PLCXD3: variants seen among roughly 807,000 people sequenced by gnomAD.
PLCXD3 encodes phosphatidylinositol specific phospholipase C X domain containing 3, also known as PI-PLC X domain-containing protein 3.
Under a neutral mutation model 25.5 loss-of-function variants are expected in PLCXD3, and 19 were observed. The ratio of observed to expected loss-of-function variants is 0.75; its 90% CI spans 0.52 to 1.09. The LOEUF (loss-of-function observed/expected upper bound fraction) is 1.09. PLCXD3 is among the 50% of genes least tolerant of loss of function. The pLI is 0.00. For synonymous variants in PLCXD3, 174 were observed against 137.6 expected (o/e 1.26, Z -1.85); for missense variants, 411 against 388.1 (o/e 1.06, Z -0.50).
chr5:41,425,403 G>T (rs1746932392), intron 1 of PLCXD3, among the ~76,000 whole-genome samples: 1 of 150,200 alleles, frequency 6.7e-6, no homozygotes. Flanking sequence ...CCCAGTACAT[G>T]CACACTCTTT....
chr5:41,457,313 A>G (rs1747775047), intron 1 of PLCXD3, among the ~76,000 whole-genome samples: 1 of 152,064 alleles, frequency 6.6e-6, no homozygotes, highest in African/African-American at 2.4e-5. Flanking sequence ...TACAACCATG[A>G]TAGTAGCCTA....
intron 2 of PLCXD3, among the ~76,000 whole-genome samples, chr5:41,321,731 T>C (rs530953551): frequency 1.3e-5 from 2 of 152,234 alleles, no homozygotes; most frequent in African/African-American, 4.8e-5. Context: ...AACAGACACA[T>C]AGACCAAGAG....
intron 2 of PLCXD3, among the ~76,000 whole-genome samples, chr5:41,332,754 C>G (rs1000382718): frequency 3.3e-5 from 5 of 152,092 alleles, no homozygotes; most frequent in Admixed American, 6.6e-5. Flanking sequence ...CCATGGAATA[C>G]TATACAGCCA....
At chr5:41,346,353 T>C (rs1395981636) in intron 2 of PLCXD3, among the ~76,000 whole-genome samples, 1 of 152,176 alleles carries the variant, frequency 6.6e-6, no homozygotes, top group African/African-American at 2.4e-5. Context: ...TTAACTGAAG[T>C]TTAGAGTTTA....
intron 1 of PLCXD3, among the ~76,000 whole-genome samples, chr5:41,501,154 C>T (rs995226990): frequency 6.6e-6 from 1 of 151,958 alleles, no homozygotes; most frequent in Admixed American, 6.6e-5. Flanking sequence ...GGAATTACGT[C>T]GAAATTTTAA....
At chr5:41,502,778 C>T (rs1033115969) in intron 1 of PLCXD3, among the ~76,000 whole-genome samples, 1 of 152,022 alleles carries the variant, frequency 6.6e-6, no homozygotes, top group African/African-American at 2.4e-5. Context: ...TGGGGTTTTC[C>T]AGGTACGTAG....
intron 2 of PLCXD3, among the ~76,000 whole-genome samples, chr5:41,334,274 G>T (rs1274553191): frequency 6.6e-6 from 1 of 152,018 alleles, no homozygotes; most frequent in South Asian, 2.1e-4. Context: ...TTACTACAAG[G>T]ATCACAGTCA....
chr5:41,371,152 A>C (rs1346045199), intron 2 of PLCXD3, among the ~76,000 whole-genome samples: 1 of 152,192 alleles, frequency 6.6e-6, no homozygotes, highest in African/African-American at 2.4e-5. Flanking sequence ...TTTGCATAGA[A>C]ACAGCCTCGA....
intron 1 of PLCXD3, among the ~76,000 whole-genome samples, chr5:41,483,158 C>T (rs1337796212): frequency 6.6e-6 from 1 of 152,158 alleles, no homozygotes; most frequent in African/African-American, 2.4e-5. Context: ...GTGAACCTGA[C>T]ATGATCTTAA....
At chr5:41,385,315 C>A (rs1161477925) in intron 1 of PLCXD3, among the ~76,000 whole-genome samples, 3 of 152,012 alleles carry the variant, frequency 2.0e-5, no homozygotes, top group Non-Finnish European at 4.4e-5. Flanking sequence ...TCCACAGTCT[C>A]AAACTCATAT....
intron 2 of PLCXD3, among the ~76,000 whole-genome samples, chr5:41,373,749 C>T (rs1410081471): frequency 6.6e-6 from 1 of 152,086 alleles, no homozygotes; most frequent in Admixed American, 6.6e-5. Context: ...AGTTGGGATG[C>T]AGTGCCATAA....
At chr5:41,376,593 T>C (rs56032529) in intron 2 of PLCXD3, among the ~76,000 whole-genome samples, 10,409 of 152,180 alleles carry the variant, frequency 0.068, 1,220 homozygotes, top group African/African-American at 0.24. Context: ...GCTTTGCTCT[T>C]GCTATTTCCT....
rs745488585 is a variant in PLCXD3, at chr5:41,510,416, G to A, written c.103+8C>T. 3 of 1,604,158 alleles carry A rather than the reference G, an allele frequency of 1.9e-6. No individual in the cohort carries two copies. The highest frequency in any genetic ancestry group is 2.6e-6 in the Non-Finnish European group (3 of 1,175,238). On this transcript the variant is annotated splice_region_variant and intron_variant, in intron 1 of 2. Transcript: ENST00000377801. ...CGAGCGCCTAGCCCGCAGCCCCTGC[G>A]CGCCTACCTGGAATGGCTAAATTGG...
intron 2 of PLCXD3, among the ~76,000 whole-genome samples, chr5:41,362,943 A>G (rs2150485726): frequency 6.6e-6 from 1 of 152,202 alleles, no homozygotes; most frequent in East Asian, 1.9e-4. Flanking sequence ...ATTCAAATGA[A>G]ACTAGTGTTT....
intron 2 of PLCXD3, among the ~76,000 whole-genome samples, chr5:41,370,299 A>C (rs896776193): frequency 3.3e-5 from 5 of 152,200 alleles, no homozygotes; most frequent in African/African-American, 1.2e-4. Context: ...GCTGTAATCA[A>C]CAAAGCCAAA....
At chr5:41,488,208 T>C (rs1240758883) in intron 1 of PLCXD3, among the ~76,000 whole-genome samples, 2 of 150,616 alleles carry the variant, frequency 1.3e-5, no homozygotes, top group Non-Finnish European at 2.9e-5. Flanking sequence ...GATAGTTTAC[T>C]GAGAATGATG....
At chr5:41,441,326 C>T (rs972015232) in intron 1 of PLCXD3, among the ~76,000 whole-genome samples, 3 of 152,170 alleles carry the variant, frequency 2.0e-5, no homozygotes, top group South Asian at 2.1e-4. Context: ...TGAGATGCGA[C>T]TCTAACAGAG....
At chr5:41,367,577 C>T (rs10037159) in intron 2 of PLCXD3, among the ~76,000 whole-genome samples, 83,052 of 151,938 alleles carry the variant, frequency 0.55, 25,188 homozygotes, top group South Asian at 0.74. Flanking sequence ...AACTTTTCTC[C>T]CATTCTAGAG....
Position 41,308,983 on chromosome 5 carries a change from C to G in PLCXD3, c.*4634G>C, listed in dbSNP as rs1197212664. The G allele has an allele frequency of 6.6e-6, 1 of 152,502 alleles. No individual in the cohort carries two copies. The highest frequency in any genetic ancestry group is 1.5e-5 in the Non-Finnish European group (1 of 68,004). 9.4% of individuals were successfully genotyped at this position (152,502 alleles called of 1,614,324 possible). On this transcript the variant is annotated 3_prime_UTR_variant, in exon 3 of 3. Transcript: ENST00000377801. ...CAAAATTAAAAGACACCATTTTTAA[C>G]AAAAACTTAATTTCTGTTTCAATTT...
Sources: allele counts gnomAD v4.1 joint callset (sites outside exome capture counted in the v4.1 genomes callset), GRCh38; gene constraint gnomAD v4.1.1; transcripts MANE v1.5; gene names NCBI Gene and HGNC (gene_info 2026-07-23, HGNC 2026-07-21).